Variants in CSRP2 observed in about 807,000 individuals in gnomAD.
CSRP2 encodes cysteine and glycine-rich protein 2.
CSRP2 carries 18 observed loss-of-function variants against 24.6 expected under a neutral mutation model. The observed-to-expected ratio is 0.73, with a 90% CI of 0.51 to 1.09. The LOEUF (loss-of-function observed/expected upper bound fraction) is 1.09. Among genes scored for constraint, CSRP2 ranks in the 50% least tolerant of loss-of-function variants. The pLI, the probability that CSRP2 is intolerant of heterozygous loss-of-function variation, is 0.00. For missense variants in CSRP2, 215 were observed against 239.4 expected (o/e 0.90, Z 0.67); for synonymous variants, 87 against 84.3 (o/e 1.03, Z -0.18).
intron 3 of CSRP2, chr12:76,862,894 G>A (rs1222044917): frequency 2.0e-6 from 3 of 1,530,386 alleles, no homozygotes; most frequent in Admixed American, 4.1e-5. Flanking sequence ...CCAAGGTGCT[G>A]TGAAATTGAA....
intron 1 of CSRP2, among the ~76,000 whole-genome samples, chr12:76,871,674 G>C (rs1192208014): frequency 6.6e-6 from 1 of 151,212 alleles, no homozygotes; most frequent in African/African-American, 2.4e-5. Context: ...TGAGGCAGGA[G>C]AATGGCGTGA....
intron 1 of CSRP2, among the ~76,000 whole-genome samples, chr12:76,867,237 C>T (rs1192268751): frequency 1.3e-5 from 2 of 151,358 alleles, no homozygotes; most frequent in Admixed American, 1.3e-4. Context: ...GCCTGTAATC[C>T]CAGCACTTTC....
intron 1 of CSRP2, among the ~76,000 whole-genome samples, chr12:76,866,584 G>A (rs1424580287): frequency 6.6e-6 from 1 of 152,104 alleles, no homozygotes; most frequent in Non-Finnish European, 1.5e-5. Context: ...AAAGAAGCGT[G>A]GGGAGGGGAA....
At chr12:76,870,060 A>G (rs191950276) in intron 1 of CSRP2, among the ~76,000 whole-genome samples, 89 of 152,364 alleles carry the variant, frequency 5.8e-4, no homozygotes, top group African/African-American at 2.1e-3. Flanking sequence ...AATTACTTAT[A>G]TTGGATCCCA....
At chr12:76,865,205 A>G (rs1953723090) in intron 2 of CSRP2, among the ~76,000 whole-genome samples, 1 of 152,234 alleles carries the variant, frequency 6.6e-6, no homozygotes, top group Non-Finnish European at 1.5e-5. Flanking sequence ...CTTAACCTAG[A>G]CAGATGAAAC....
At chr12:76,875,880 T>G (rs1236938238) in intron 1 of CSRP2, among the ~76,000 whole-genome samples, 1 of 152,234 alleles carries the variant, frequency 6.6e-6, no homozygotes, top group African/African-American at 2.4e-5. Flanking sequence ...GTGGGGAAAC[T>G]GAGGCATAGA....
At chr12:76,860,552 G>A (rs1953665895) in intron 3 of CSRP2, 139 bp from the exon 4 acceptor site, 1 of 960,840 alleles carries the variant, frequency 1.0e-6, no homozygotes. Flanking sequence ...CAGCACAGGG[G>A]AGGGAATAAA....
chr12:76,861,014 T>A (rs1021714780), intron 3 of CSRP2: 1 of 152,250 alleles, frequency 6.6e-6, no homozygotes, highest in African/African-American at 2.4e-5. Context: ...AATCTGTTTA[T>A]CTTTCATTTT....
chr12:76,866,032 C>G, intron 2 of CSRP2, 117 bp downstream of exon 2: 2 of 742,052 alleles, frequency 2.7e-6, no homozygotes, highest in Non-Finnish European at 4.5e-6. Context: ...CAGGTAAAAA[C>G]CATTCGTGCT....
In CSRP2 at chr12:76,863,183, GT is replaced by G; in HGVS notation, c.273del (p.Lys91AsnfsTer42). ...AACGGTCTCCCAACTCACCTCTCTG[GT>G]TTGATGCCCAGCCTCTCGCCACGGT... Reference protein sequence around the residue: ...NMDRGERLGIKPESVQPHRPT... With the variant: ...NMDRGERLGIXPESVQPHRPT... On this transcript the variant is annotated frameshift_variant, in exon 3 of 6. Coordinates refer to ENST00000311083, the MANE Select transcript of CSRP2 (RefSeq NM_001321.3). LOFTEE classifies it high-confidence loss of function. 6.2e-7 allele frequency: 1 copy of G among 1,612,592 alleles called. No individual in the cohort carries two copies. The highest frequency in any genetic ancestry group is 2.2e-5 in the East Asian group (1 of 44,832).
chr12:76,860,489 G>C, intron 3 of CSRP2, 76 bp from the exon 4 acceptor site: 1 of 1,539,618 alleles, frequency 6.5e-7, no homozygotes. Context: ...AGGAACAATA[G>C]AACTCTGGGA....
intron 1 of CSRP2, among the ~76,000 whole-genome samples, chr12:76,866,563 C>T (rs560565325): frequency 2.0e-5 from 3 of 152,110 alleles, no homozygotes; most frequent in South Asian, 4.2e-4. Flanking sequence ...TTAGAATCCA[C>T]AGGAGTTAAG....
Position 76,863,287 on chromosome 12 carries a change from T to A in CSRP2, c.170A>T (p.Tyr57Phe), listed in dbSNP as rs748428132. 2 of 1,614,246 alleles carry A rather than the reference T, an allele frequency of 1.2e-6. No homozygotes were observed. Among genetic ancestry groups the A allele is most frequent in the South Asian group, 2.2e-5 (2 of 91,092 alleles). Residue 57 changes from tyrosine to phenylalanine, a missense_variant, in exon 3 of 6, where the codon TAC becomes TTC. By Grantham distance (22) the Tyr-to-Phe change is conservative. Transcript: ENST00000311083. Reference protein sequence around the residue: ...TTVAIHDEEIYCKSCYGKKYG... With the variant: ...TTVAIHDEEIFCKSCYGKKYG... ...CTTCTTTCCGTAGCAGGATTTGCAGTAGATCTCTTCATCGTGAATTGCCAC... is the reference window on the plus strand; with the variant it reads ...CTTCTTTCCGTAGCAGGATTTGCAGAAGATCTCTTCATCGTGAATTGCCAC...
intron 4 of CSRP2, 147 bp downstream of exon 4, chr12:76,860,137 G>T: frequency 3.5e-6 from 3 of 848,718 alleles, no homozygotes; most frequent in Non-Finnish European, 3.5e-6. Context: ...AAAAGTTAAT[G>T]ATTCTGATGG....
At chr12:76,868,306 T>G (rs1236044453) in intron 1 of CSRP2, among the ~76,000 whole-genome samples, 1 of 152,204 alleles carries the variant, frequency 6.6e-6, no homozygotes, top group Non-Finnish European at 1.5e-5. Flanking sequence ...AAATCTCATC[T>G]TGAATTGTAG....
At chr12:76,874,347 C>T (rs1365787271) in intron 1 of CSRP2, among the ~76,000 whole-genome samples, 1 of 152,228 alleles carries the variant, frequency 6.6e-6, no homozygotes, top group African/African-American at 2.4e-5. Flanking sequence ...ATCAGATAGA[C>T]ACAAGCTGGT....
chr12:76,862,855 C>T (rs1953697117), intron 3 of CSRP2: 2 of 1,528,636 alleles, frequency 1.3e-6, no homozygotes, highest in Middle Eastern at 1.7e-4. Context: ...GCACATTTCT[C>T]TACCATTTAA....
chr12:76,871,966 G>A (rs544644200), intron 1 of CSRP2, among the ~76,000 whole-genome samples: 1 of 151,742 alleles, frequency 6.6e-6, no homozygotes, highest in South Asian at 2.1e-4. Flanking sequence ...CACTACAGCT[G>A]CCATTAATCA....
chr12:76,871,000 A>AAT (rs1555192190), intron 1 of CSRP2, among the ~76,000 whole-genome samples: 1 of 150,124 alleles, frequency 6.7e-6, no homozygotes, highest in African/African-American at 2.4e-5. Flanking sequence ...AAAAAAAAAA[A>AAT]GTGGATGGTG....
Sources: gnomAD v4.1 joint callset for allele counts (sites outside exome capture counted in the v4.1 genomes callset) on GRCh38, gnomAD v4.1.1 for gene constraint, MANE v1.5 for transcripts, NCBI Gene and HGNC (gene_info 2026-07-23, HGNC 2026-07-21) for gene names.